Variants in KCNJ16 observed in about 807,000 individuals in gnomAD.
KCNJ16 encodes the protein inward rectifier potassium channel 16.
A neutral mutation model predicts 18.5 loss-of-function variants in KCNJ16; 15 were observed. That is an observed-to-expected ratio of 0.81 (90% CI 0.54 to 1.25). The LOEUF (loss-of-function observed/expected upper bound fraction) is 1.25, where lower values mean the gene tolerates loss of function less well. Among genes scored for constraint, KCNJ16 ranks in the 50% most tolerant of loss-of-function variants. The pLI, the probability that KCNJ16 is intolerant of heterozygous loss-of-function variation, is 0.00. For missense variants in KCNJ16, 523 were observed against 525.7 expected, an observed-to-expected ratio of 0.99 and a Z score of 0.05; for synonymous variants, 174 against 186.5, an observed-to-expected ratio of 0.93 and a Z score of 0.55.
chr17:70,089,943 G>C (rs937520893), intron 1 of KCNJ16, among the ~76,000 whole-genome samples: 3 of 152,194 alleles, frequency 2.0e-5, no homozygotes, highest in African/African-American at 7.2e-5. Context: ...CTGCTGCTTT[G>C]AAAGAGGGGA....
intron 1 of KCNJ16, among the ~76,000 whole-genome samples, chr17:70,084,761 A>C (rs943640900): frequency 2.6e-5 from 4 of 152,140 alleles, no homozygotes; most frequent in African/African-American, 9.7e-5. Flanking sequence ...CATATAGCTT[A>C]TCTCTCCTTT....
At chr17:70,092,566 TA>T (rs1173505873) in intron 1 of KCNJ16, among the ~76,000 whole-genome samples, 6 of 102,602 alleles carry the variant, frequency 5.8e-5, no homozygotes, top group South Asian at 3.2e-4. Flanking sequence ...AGATGATAGA[TA>T]TAGATAGATA....
chr17:70,133,263 C>A lies in KCNJ16; in HGVS notation c.1176C>A (p.Ser392=). The A allele has an allele frequency of 6.2e-7, 1 of 1,614,050 alleles. No individual in the cohort carries two copies. Among genetic ancestry groups the A allele is most frequent in the Non-Finnish European group, 8.5e-7 (1 of 1,179,964 alleles). The part of the protein sequence containing the change: ...SCENPEETTT[S]ATHEYRETPY... Reference sequence around the variant, plus strand: ...AAAACCCTGAGGAGACCACCACTTCCGCCACACATGAATATAGGGAAACAC... The same window carrying A: ...AAAACCCTGAGGAGACCACCACTTCAGCCACACATGAATATAGGGAAACAC... The change falls in exon 4 of 4, where the codon TCC becomes TCA. Residue 392 remains serine (S), a synonymous_variant. Coordinates refer to ENST00000392671, the MANE Select transcript of KCNJ16 (RefSeq NM_170741.4).
At chr17:70,100,443 A>C (rs1251792801) in intron 1 of KCNJ16, among the ~76,000 whole-genome samples, 1 of 152,152 alleles carries the variant, frequency 6.6e-6, no homozygotes, top group Non-Finnish European at 1.5e-5. Context: ...AATTTACTCC[A>C]GTACTTCTTA....
rs567801246 is a variant in KCNJ16 at position 70,132,231 on chromosome 17, G to A, written c.144G>A (p.Lys48=). The stretch of plus-strand genomic sequence containing the variant: ...ATGGCAGCTGTAATGTCTACTTCAA[G>A]CACATTTTTGGAGAATGGGGAAGCT... ...HKDGSCNVYF[K]HIFGEWGSYV... is the part of the protein sequence containing the mutation. Residue 48 remains lysine (K), a synonymous_variant, in exon 4 of 4, where the codon AAG becomes AAA. Transcript: ENST00000392671. The A allele has an allele frequency of 2.5e-6, 4 of 1,614,232 alleles. No homozygotes were observed. Among genetic ancestry groups the A allele is most frequent in the East Asian group, 2.2e-5 (1 of 44,886 alleles).
chr17:70,132,103 A>G lies in KCNJ16; in HGVS notation c.16A>G (p.Ser6Gly). The change falls in exon 4 of 4, where the codon AGC becomes GGC. Residue 6 changes from serine to glycine, a missense_variant. Ser to Gly is a moderately conservative substitution (Grantham distance 56, BLOSUM62 0). Coordinates refer to ENST00000392671, the MANE Select transcript of KCNJ16 (RefSeq NM_170741.4). MSYYG[S>G]SYHIINADAK... ...ACAGCAAAGAATGAGCTATTACGGC[A>G]GCAGCTATCATATTATCAATGCGGA... is the stretch of plus-strand genomic sequence containing the variant. The G allele has an allele frequency of 6.2e-7, 1 of 1,614,252 alleles. No individual in the cohort carries two copies. The highest frequency in any genetic ancestry group is 8.5e-7 in the Non-Finnish European group (1 of 1,180,036).
chr17:70,109,903 T>A (rs1288330625), intron 2 of KCNJ16, among the ~76,000 whole-genome samples: 1 of 152,202 alleles, frequency 6.6e-6, no homozygotes, highest in Non-Finnish European at 1.5e-5. Flanking sequence ...GTGAAAGCTG[T>A]ATTCCATCAG....
rs1352680641 is a variant in KCNJ16 at position 70,134,113 on chromosome 17, A to C, written c.*769A>C. On this transcript the variant is annotated 3_prime_UTR_variant, in exon 4 of 4. Coordinates refer to ENST00000392671, the MANE Select transcript of KCNJ16 (RefSeq NM_170741.4). The stretch of plus-strand genomic sequence containing the variant: ...AACCACGACCTTGCTAGGTTCTCTG[A>C]GGAGGGGACTTTCTATGTTCACGTC... 6.0e-6 allele frequency: 1 copy of C among 167,146 alleles called. No individual in the cohort carries two copies. Among genetic ancestry groups the C allele is most frequent in the Non-Finnish European group, 1.5e-5 (1 of 68,146 alleles). The allele number at this position is 167,146 out of a possible 1,614,324, so 10.4% of individuals were successfully genotyped here.
Position 70,088,000 on chromosome 17 carries a change from C to T in KCNJ16, c.-300+12610C>T, listed in dbSNP as rs575823283. Among the ~76,000 whole-genome samples the T allele has an allele frequency of 4.1e-4, 44 of 107,688 alleles. 1 individual carries two copies. The East Asian group carries it at 0.012, about 28-fold the overall frequency. 70.6% of individuals were successfully genotyped at this position (107,688 alleles called of 152,430 possible). Reference sequence around the variant, plus strand: ...CCACGCCACTGCACTGCAGCCTGGGCGACAGAGCAAGACTCTGTCTCAAAA... The same window carrying T: ...CCACGCCACTGCACTGCAGCCTGGGTGACAGAGCAAGACTCTGTCTCAAAA... On this transcript the variant is annotated intron_variant, in intron 1 of 3. Transcript: ENST00000392671.
chr17:70,077,985 A>AT lies in KCNJ16; in HGVS notation c.-300+2600dup, dbSNP rs563234627. ...GCTTCTGCAGACTGGGAGGAGAACT[A>AT]TTTTTATCATCATGCTTTAGGGCCT... is the stretch of plus-strand genomic sequence containing the variant. On this transcript the variant is annotated intron_variant, in intron 1 of 3. Transcript: ENST00000392671. 9.2e-5 allele frequency among the ~76,000 whole-genome samples: 14 copies of AT among 152,266 alleles called. No homozygotes were observed. The South Asian group carries it at 2.1e-3, about 23-fold the overall frequency.
Position 70,133,249 on chromosome 17 carries a change from G to A in KCNJ16, c.1162G>A (p.Glu388Lys). Residue 388 changes from glutamate to lysine, a missense_variant, in exon 4 of 4, where the codon GAG becomes AAG. Glu to Lys is a moderately conservative substitution (Grantham distance 56). Transcript: ENST00000392671. ...TGTCAGCAGCTGTGAAAACCCTGAG[G>A]AGACCACCACTTCCGCCACACATGA... Reference protein sequence around the residue: ...AIVSSCENPEETTTSATHEYR... With the variant: ...AIVSSCENPEKTTTSATHEYR... The A allele has an allele frequency of 6.2e-7, 1 of 1,614,092 alleles. No homozygotes were observed. The highest frequency in any genetic ancestry group is 8.5e-7 in the Non-Finnish European group (1 of 1,180,020).
At chr17:70,131,053 C>T (rs936881242) in intron 3 of KCNJ16, 78 bp downstream of exon 3, 15 of 1,328,438 alleles carry the variant, frequency 1.1e-5, no homozygotes, top group East Asian at 2.5e-5. Flanking sequence ...TAAGGATGTC[C>T]GTGAAAGTAT....
rs750935712 is a variant in KCNJ16, at chr17:70,131,998, C to G, written c.-90C>G. 23 of 1,576,386 alleles carry G rather than the reference C, an allele frequency of 1.5e-5. No individual in the cohort carries two copies. The highest frequency in any genetic ancestry group is 1.9e-5 in the Non-Finnish European group (22 of 1,163,298). On this transcript the variant is annotated 5_prime_UTR_variant, in exon 4 of 4. Coordinates refer to ENST00000392671, the MANE Select transcript of KCNJ16 (RefSeq NM_170741.4). ...TTTTGTTGTTGTTGTTTTTTAGGTT[C>G]TAACTGAAAACCCAAACCAAGAAAT... is the stretch of plus-strand genomic sequence containing the variant.
At chr17:70,109,454 T>G (rs560775544) in intron 2 of KCNJ16, among the ~76,000 whole-genome samples, 61 of 152,170 alleles carry the variant, frequency 4.0e-4, no homozygotes, top group African/African-American at 1.4e-3. Context: ...TGTTACTTTT[T>G]TTTGCCATAC....
At chr17:70,078,394 A>G (rs2366289) in intron 1 of KCNJ16, among the ~76,000 whole-genome samples, 130,003 of 152,160 alleles carry the variant, frequency 0.85, 55,645 homozygotes, top group East Asian at 0.99. Flanking sequence ...TTCCAAAAAG[A>G]TCACCTCCAT....
rs1431896948 is a variant in KCNJ16 at position 70,132,513 on chromosome 17, A to T, written c.426A>T (p.Glu142Asp). 1 of 1,614,178 alleles carries T rather than the reference A, an allele frequency of 6.2e-7. No homozygotes were observed. The highest frequency in any genetic ancestry group is 8.5e-7 in the Non-Finnish European group (1 of 1,180,038). The change falls in exon 4 of 4, where the codon GAA (glutamate) becomes GAT (aspartate). Residue 142 changes from glutamate to aspartate, a missense_variant. Transcript: ENST00000392671. ...ATGGTTATCGCTGTGTTACTGAAGA[A>T]TGTTCTGTGGCCGTGCTCATGGTGA... ...IGYGYRCVTEECSVAVLMVIL... is the reference protein window; with the variant it reads ...IGYGYRCVTEDCSVAVLMVIL...
At chr17:70,096,766 G>A (rs779889196) in intron 1 of KCNJ16, 7 of 385,768 alleles carry the variant, frequency 1.8e-5, no homozygotes, top group Middle Eastern at 6.4e-4. Flanking sequence ...CAGAGCGAGC[G>A]TGAATGGATA....
intron 2 of KCNJ16, among the ~76,000 whole-genome samples, chr17:70,125,311 C>T (rs2073814332): frequency 6.6e-6 from 1 of 151,812 alleles, no homozygotes; most frequent in African/African-American, 2.4e-5. Context: ...TAAAAGTCAC[C>T]TTGTCCCTGG....
intron 3 of KCNJ16, chr17:70,131,545 T>C: frequency 1.2e-6 from 1 of 844,408 alleles, no homozygotes; most frequent in South Asian, 5.1e-5. Flanking sequence ...GTAGAAACTC[T>C]TTATTGCATC....
Sources: gnomAD v4.1 joint callset for allele counts (sites outside exome capture counted in the v4.1 genomes callset) on GRCh38, gnomAD v4.1.1 for gene constraint, MANE v1.5 for transcripts, NCBI Gene and HGNC (gene_info 2026-07-23, HGNC 2026-07-21) for gene names.